SCYL3: variants seen among roughly 807,000 people sequenced by gnomAD.
The protein encoded by SCYL3 is SCY1 like pseudokinase 3, also known as protein-associating with the carboxyl-terminal domain of ezrin.
In SCYL3, 35 loss-of-function variants were observed where a neutral mutation model predicts 73.8. The observed-to-expected ratio is 0.47, with a 90% CI of 0.36 to 0.63. The LOEUF is 0.63. Among genes scored for constraint, SCYL3 ranks in the 20% least tolerant of loss-of-function variants. The pLI is 0.00. For synonymous variants in SCYL3, 277 were observed against 295.2 expected (o/e 0.94, Z 0.63); for missense variants, 712 against 798.9 (o/e 0.89, Z 1.31).
Position 169,850,438 on chromosome 1 carries a change from C to A in SCYL3, c.*3275G>T. On this transcript the variant is annotated 3_prime_UTR_variant, in exon 13 of 13. Coordinates refer to ENST00000367771, the MANE Select transcript of SCYL3 (RefSeq NM_020423.7). ...GTAACCAACCTGAGTGTCTTCTTAG[C>A]TTAAACTTTTCACAGTGCTGAGCAC... 1 of 836,198 alleles carries A rather than the reference C, an allele frequency of 1.2e-6. No homozygotes were observed. The allele number at this position is 836,198 out of a possible 1,614,324, so 51.8% of individuals were successfully genotyped here. A position where few individuals can be genotyped will look rare whatever the true frequency, so the allele number is the denominator to read the frequency against.
At chr1:169,877,396 G>A (rs533983767) in intron 3 of SCYL3, among the ~76,000 whole-genome samples, 9 of 152,290 alleles carry the variant, frequency 5.9e-5, no homozygotes, top group African/African-American at 1.7e-4. Context: ...GGGCTCAAGC[G>A]ATCCTCTTGC....
At chr1:169,858,935 C>A in intron 11 of SCYL3, 106 bp downstream of exon 11, 1 of 941,984 alleles carries the variant, frequency 1.1e-6, no homozygotes, top group Non-Finnish European at 1.6e-6. Context: ...TTTATTTATA[C>A]TTCTTTATAT....
chr1:169,854,472 C>T lies in SCYL3; in HGVS notation c.1805G>A (p.Gly602Glu), dbSNP rs200694889. The T allele has an allele frequency of 3.1e-5, 50 of 1,613,950 alleles. No homozygotes were observed. Among genetic ancestry groups the T allele is most frequent in the Admixed American group, 2.0e-4 (12 of 59,986 alleles). ...TTTTACTTGAATGGTGAATTCCTCT[C>T]CTAAACCAAGTTCTGATGGAACCTT... ...PLKVPSELGL[G>E]EEFTIQVKKK... The change falls in exon 12 of 13, where the codon GGA (glycine) becomes GAA (glutamate). Residue 602 changes from glycine to glutamate, a missense_variant. Physicochemically the swap from Gly to Glu is moderately conservative, Grantham distance 98. Around this residue, in one of 2 missense-constraint regions of SCYL3, gnomAD observed 370 missense variants for 350.8 expected, o/e 1.05. Transcript: ENST00000367771.
intron 9 of SCYL3, among the ~76,000 whole-genome samples, chr1:169,863,484 G>T (rs544483075): frequency 6.6e-6 from 1 of 152,276 alleles, no homozygotes; most frequent in Non-Finnish European, 1.5e-5. Context: ...ATGCTACAGT[G>T]GGACTTTGAT....
chr1:169,858,046 A>T (rs1299745590), intron 11 of SCYL3, among the ~76,000 whole-genome samples: 1 of 152,222 alleles, frequency 6.6e-6, no homozygotes, highest in Non-Finnish European at 1.5e-5. Context: ...ATTACTGTAC[A>T]CTACCATACA....
rs1170163738 is a variant in SCYL3 at position 169,864,444 on chromosome 1, G to C, written c.880C>G (p.Leu294Val). The change falls in exon 9 of 13, where the codon CTG becomes GTG. Residue 294 changes from leucine (L) to valine (V), a missense_variant. By Grantham distance (32) the Leu-to-Val change is conservative (BLOSUM62 1). Around this residue, in one of 2 missense-constraint regions of SCYL3, gnomAD observed 342 missense variants for 448.1 expected, o/e 0.76. Coordinates refer to ENST00000367771, the MANE Select transcript of SCYL3 (RefSeq NM_020423.7). ...ELIASRLVPLLLNQLVFAEPV... is the reference protein window; with the variant it reads ...ELIASRLVPLVLNQLVFAEPV... ...TCTGCAAACACCAACTGATTAAGCA[G>C]AAGAGGCACCAACCTTGAAGCTATC... 2 of 1,613,960 alleles carry C rather than the reference G, an allele frequency of 1.2e-6. No individual in the cohort carries two copies. The highest frequency in any genetic ancestry group is 1.7e-6 in the Non-Finnish European group (2 of 1,179,978).
chr1:169,870,326 T>C lies in SCYL3; in HGVS notation c.554A>G (p.His185Arg). The change falls in exon 6 of 13, where the codon CAT (histidine) becomes CGT (arginine). Residue 185 changes from histidine to arginine, a missense_variant. His to Arg is a conservative substitution (Grantham distance 29, BLOSUM62 0). Around this residue, in one of 2 missense-constraint regions of SCYL3, gnomAD observed 342 missense variants for 448.1 expected, o/e 0.76. Coordinates refer to ENST00000367771, the MANE Select transcript of SCYL3 (RefSeq NM_020423.7). ...TGAAAAGGCATCCCGGGCATGTCCA[T>C]GACACTCTGGGAGAGTTGTGAATTC... ...SPEFTTLPEC[H>R]GHARDAFSFG... 2 of 1,613,396 alleles carry C rather than the reference T, an allele frequency of 1.2e-6. No homozygotes were observed. Among genetic ancestry groups the C allele is most frequent in the Non-Finnish European group, 1.7e-6 (2 of 1,179,658 alleles).
At chr1:169,889,029 C>T (rs562257898) in intron 1 of SCYL3, 139 bp from the exon 2 acceptor site, 17 of 457,750 alleles carry the variant, frequency 3.7e-5, no homozygotes, top group Admixed American at 8.2e-5. Flanking sequence ...AAATGGTAAA[C>T]GCTCTGCAAG....
intron 5 of SCYL3, among the ~76,000 whole-genome samples, chr1:169,871,952 A>C (rs1571419393): frequency 6.6e-6 from 1 of 152,358 alleles, no homozygotes; most frequent in East Asian, 1.9e-4. Flanking sequence ...TTAAAAGGAA[A>C]ACAGAGCATA....
intron 11 of SCYL3, among the ~76,000 whole-genome samples, chr1:169,856,685 GTCT>G (rs140040483): frequency 9.4e-4 from 143 of 152,220 alleles, no homozygotes; most frequent in Middle Eastern, 3.4e-3. Context: ...CTTATCCGAT[GTCT>G]TCTTCTCTGA....
chr1:169,883,739 GAC>G (rs1416774756), intron 2 of SCYL3, among the ~76,000 whole-genome samples: 11 of 120,142 alleles, frequency 9.2e-5, no homozygotes, highest in Admixed American at 2.0e-4. Context: ...TTTTTTTTGA[GAC>G]AGAGTCTCGC....
In SCYL3 at chr1:169,853,038, TTATG is replaced by T. The variant is rs1398431673; in HGVS notation, c.*671_*674del. 2 of 1,563,970 alleles carry T rather than the reference TTATG, an allele frequency of 1.3e-6. No homozygotes were observed. The highest frequency in any genetic ancestry group is 2.7e-5 in the African/African-American group (2 of 73,656). On this transcript the variant is annotated 3_prime_UTR_variant, in exon 13 of 13. Coordinates refer to ENST00000367771, the MANE Select transcript of SCYL3 (RefSeq NM_020423.7). ...TTGATGCTTTGTCAACTGAAAATAC[TTATG>T]TCTGTACATTTTCTAACAGATATAA...
At chr1:169,864,775 C>A (rs1283936241) in intron 8 of SCYL3, among the ~76,000 whole-genome samples, 2 of 152,076 alleles carry the variant, frequency 1.3e-5, no homozygotes, top group African/African-American at 2.4e-5. Flanking sequence ...GCTTGGCCAA[C>A]ATGGTGAAAC....
intron 3 of SCYL3, among the ~76,000 whole-genome samples, chr1:169,876,737 T>C (rs957666706): frequency 4.6e-5 from 7 of 151,736 alleles, no homozygotes; most frequent in African/African-American, 1.5e-4. Flanking sequence ...AGGCAGATCA[T>C]GAGGTCAGGA....
intron 5 of SCYL3, among the ~76,000 whole-genome samples, chr1:169,871,779 T>G (rs1660424043): frequency 6.6e-6 from 1 of 152,070 alleles, no homozygotes; most frequent in Non-Finnish European, 1.5e-5. Flanking sequence ...GGGGCAAAGG[T>G]GACTCTTGTT....
rs767488890 is a variant in SCYL3 at position 169,854,368 on chromosome 1, T to G, written c.1909A>C (p.Ile637Leu). ...ATTTCTGTCCTCAGTTCAGGTAATA[T>G]AAGAAAAGCAGCAGAAGGCTTAATT... The part of the protein sequence containing the change: ...PEIKPSAAFL[I>L]LPELRTEMVP... Residue 637 changes from isoleucine to leucine, a missense_variant, in exon 12 of 13, where the codon ATA becomes CTA. Coordinates refer to ENST00000367771, the MANE Select transcript of SCYL3 (RefSeq NM_020423.7). 1 of 1,613,922 alleles carries G rather than the reference T, an allele frequency of 6.2e-7. No individual in the cohort carries two copies. Among genetic ancestry groups the G allele is most frequent in the African/African-American group, 1.3e-5 (1 of 74,892 alleles).
At chr1:169,874,006 G>A (rs369508825) in intron 4 of SCYL3, among the ~76,000 whole-genome samples, 5 of 152,228 alleles carry the variant, frequency 3.3e-5, no homozygotes, top group African/African-American at 1.2e-4. Flanking sequence ...TAACAGACAC[G>A]CTCTGCTGTT....
At chr1:169,887,884 A>G (rs1661795187) in intron 2 of SCYL3, among the ~76,000 whole-genome samples, 1 of 152,246 alleles carries the variant, frequency 6.6e-6, no homozygotes, top group Admixed American at 6.5e-5. Context: ...TATGAAACAG[A>G]CATCAATGTT....
intron 5 of SCYL3, 67 bp downstream of exon 5, chr1:169,873,629 G>GT (rs1468667499): frequency 1.2e-5 from 14 of 1,126,550 alleles, no homozygotes; most frequent in East Asian, 2.4e-5. Flanking sequence ...GCAGAGGAAA[G>GT]TTTTTTAAAA....
Sources: gnomAD v4.1 joint callset for allele counts (sites outside exome capture counted in the v4.1 genomes callset) on GRCh38, gnomAD v4.1.1 for gene constraint, gnomAD v4.1.1 regional missense constraint, MANE v1.5 for transcripts, NCBI Gene and HGNC (gene_info 2026-07-23, HGNC 2026-07-21) for gene names.